The following SLIT3 variants were observed in gnomAD, a reference collection of about 807,000 sequenced individuals.
SLIT3 encodes the protein slit homolog 3 protein.
In SLIT3, 68 loss-of-function variants were observed where a neutral mutation model predicts 184.0. The observed-to-expected ratio is 0.37, with a 90% confidence interval of 0.30 to 0.45. The LOEUF (loss-of-function observed/expected upper bound fraction) is 0.45. Ranked by LOEUF, SLIT3 falls within the 20% of genes least tolerant of loss-of-function variation. The pLI, the probability that SLIT3 is intolerant of heterozygous loss-of-function variation, is 1.00. For missense variants in SLIT3, 1,707 were observed against 2,026.0 expected, an observed-to-expected ratio of 0.84 and a Z score of 3.02; for synonymous variants, 831 against 828.6, an observed-to-expected ratio of 1.00 and a Z score of -0.05.
chr5:168,823,117 T>C (rs761200842), intron 7 of SLIT3, 143 bp downstream of exon 7: 4 of 743,984 alleles, frequency 5.4e-6, no homozygotes, highest in Non-Finnish European at 9.7e-6. Context: ...AGGCACCCCT[T>C]GGTTAATAGC....
At chr5:169,244,886 G>T in intron 2 of SLIT3, 110 bp from the exon 3 acceptor site, 1 of 905,702 alleles carries the variant, frequency 1.1e-6, no homozygotes, top group Non-Finnish European at 1.8e-6. Context: ...ATGATCGTCA[G>T]TGTCCCTTCA....
Position 169,300,620 on chromosome 5 carries a change from T to G in SLIT3, c.90A>C (p.Pro30=). The G allele has an allele frequency of 6.7e-7, 1 of 1,503,722 alleles. No homozygotes were observed. The highest frequency in any genetic ancestry group is 8.8e-7 in the Non-Finnish European group (1 of 1,131,406). The allele number at this position is 1,503,722 out of a possible 1,614,324, so 93.1% of individuals were successfully genotyped here. A position where few individuals can be genotyped will look rare whatever the true frequency, so the allele number is the denominator to read the frequency against. ...TACACTTGGTGGGGCAGGCGACGGC[T>G]GGAGGCCCACTCAGGACGCTCGCCA... ...LALASVLSGP[P]AVACPTKCTC... Residue 30 remains proline (P), a synonymous_variant, in exon 1 of 36, where the codon CCA becomes CCC. Transcript: ENST00000519560. This position sits in a 1 kb window ranked among gnomAD's most constrained non-coding sequence, Gnocchi z 4.1.
chr5:168,813,251 A>C (rs1016363697), intron 8 of SLIT3, among the ~76,000 whole-genome samples: 1 of 152,166 alleles, frequency 6.6e-6, no homozygotes, highest in African/African-American at 2.4e-5. Flanking sequence ...GTACCAGAAA[A>C]TTAACAAGTG....
chr5:168,924,698 A>T (rs1287420800), intron 4 of SLIT3, among the ~76,000 whole-genome samples: 1 of 152,112 alleles, frequency 6.6e-6, no homozygotes, highest in Non-Finnish European at 1.5e-5. Context: ...CTTTTTGTAG[A>T]GATGGGGTTT....
intron 4 of SLIT3, among the ~76,000 whole-genome samples, chr5:169,016,321 T>C (rs569190647): frequency 2.6e-5 from 4 of 152,242 alleles, no homozygotes; most frequent in African/African-American, 7.2e-5. Flanking sequence ...CAGAAGCACA[T>C]GTGCTCACAG....
chr5:168,878,750 C>A (rs1005251116), intron 5 of SLIT3, among the ~76,000 whole-genome samples: 2 of 145,590 alleles, frequency 1.4e-5, no homozygotes, highest in South Asian at 4.3e-4. Context: ...GAGTTTCACT[C>A]GTCTCCCAGG....
chr5:169,049,998 T>C (rs1435891046), intron 4 of SLIT3, among the ~76,000 whole-genome samples: 4 of 152,178 alleles, frequency 2.6e-5, no homozygotes, highest in Non-Finnish European at 5.9e-5. Context: ...TTTTTTTTCC[T>C]GGCTGCTTCC....
At chr5:168,773,131 C>T (rs184747578) in intron 13 of SLIT3, among the ~76,000 whole-genome samples, 187 bp from the exon 14 acceptor site, 1 of 152,258 alleles carries the variant, frequency 6.6e-6, no homozygotes, top group African/African-American at 2.4e-5. Flanking sequence ...GGCCTGCTGT[C>T]TGCAAAAGAC....
At chr5:169,096,589 C>T (rs533664080) in intron 4 of SLIT3, among the ~76,000 whole-genome samples, 7 of 152,338 alleles carry the variant, frequency 4.6e-5, no homozygotes, top group Non-Finnish European at 5.9e-5. Flanking sequence ...CCCAAAGTCA[C>T]AGTTTGCTGT....
intron 4 of SLIT3, among the ~76,000 whole-genome samples, chr5:169,115,265 T>C (rs1027417879): frequency 6.6e-6 from 1 of 151,400 alleles, no homozygotes; most frequent in Non-Finnish European, 1.5e-5. Context: ...CTTGGAAGCT[T>C]TTCTTCCCCA....
At chr5:168,975,337 T>C (rs1754713164) in intron 4 of SLIT3, among the ~76,000 whole-genome samples, 1 of 152,200 alleles carries the variant, frequency 6.6e-6, no homozygotes, top group Non-Finnish European at 1.5e-5. Context: ...CTACTTCTGC[T>C]GAAATCCATC....
intron 20 of SLIT3, among the ~76,000 whole-genome samples, chr5:168,743,004 C>T (rs987606367): frequency 4.1e-4 from 62 of 152,182 alleles, no homozygotes; most frequent in African/African-American, 1.4e-3. Flanking sequence ...TGGTGGCATG[C>T]GCCTGTAGTC....
intron 4 of SLIT3, among the ~76,000 whole-genome samples, chr5:169,071,502 G>A (rs188464690): frequency 2.0e-5 from 3 of 152,170 alleles, no homozygotes; most frequent in African/African-American, 4.8e-5. Context: ...CACCCAGAGC[G>A]ATAAATGACT....
At chr5:169,220,810 CA>C (rs913393894) in intron 3 of SLIT3, among the ~76,000 whole-genome samples, 13 of 152,272 alleles carry the variant, frequency 8.5e-5, no homozygotes, top group African/African-American at 3.1e-4. Context: ...CTCATCAAAC[CA>C]ACCCTACTCC....
chr5:168,704,337 C>A (rs1762313920), intron 26 of SLIT3, among the ~76,000 whole-genome samples: 1 of 138,722 alleles, frequency 7.2e-6, no homozygotes, highest in African/African-American at 3.5e-5. Flanking sequence ...CTACTGAATC[C>A]TGGCACTGAG....
At chr5:169,148,351 GA>G (rs1334012702) in intron 4 of SLIT3, among the ~76,000 whole-genome samples, 2 of 152,162 alleles carry the variant, frequency 1.3e-5, no homozygotes, top group Non-Finnish European at 2.9e-5. Context: ...TTAAAAGGCC[GA>G]AGAGGAAATA....
intron 1 of SLIT3, among the ~76,000 whole-genome samples, chr5:169,282,430 A>G (rs997711972): frequency 6.6e-6 from 1 of 152,170 alleles, no homozygotes; most frequent in African/African-American, 2.4e-5. Flanking sequence ...CCTCAGGAAG[A>G]CATCACTCCA....
At chr5:169,058,485 C>G (rs941865110) in intron 4 of SLIT3, among the ~76,000 whole-genome samples, 4 of 152,156 alleles carry the variant, frequency 2.6e-5, no homozygotes, top group Admixed American at 2.0e-4. Context: ...TTGGGAGAAG[C>G]TGGGGAACAG....
rs577304056 is a variant in SLIT3 at position 169,232,927 on chromosome 5, A to G, written c.341+11778T>C. On this transcript the variant is annotated intron_variant, in intron 3 of 35. Transcript: ENST00000519560. ...ATGAACACCATGCAGCACTCCATATATTTGACTCATCTTTAATTTCTTCCA... is the reference window on the plus strand; with the variant it reads ...ATGAACACCATGCAGCACTCCATATGTTTGACTCATCTTTAATTTCTTCCA... Among the ~76,000 whole-genome samples the G allele has an allele frequency of 9.8e-5, 15 of 152,322 alleles. No homozygotes were observed. In the South Asian group the frequency reaches 2.9e-3, roughly 29 times the overall value.
Sources: allele counts gnomAD v4.1 joint callset (sites outside exome capture counted in the v4.1 genomes callset), GRCh38; gene constraint gnomAD v4.1.1; non-coding constraint Gnocchi (gnomAD v3.1); transcripts MANE v1.5; gene names NCBI Gene and HGNC (gene_info 2026-07-23, HGNC 2026-07-21).